Variants in CHST9 observed in about 807,000 individuals in gnomAD.
The protein encoded by CHST9 is carbohydrate sulfotransferase 9.
In CHST9, 41 loss-of-function variants were observed where a neutral mutation model predicts 44.4. The ratio of observed to expected loss-of-function variants is 0.92; its 90% CI spans 0.72 to 1.20. The LOEUF (loss-of-function observed/expected upper bound fraction) is 1.20. Among genes scored for constraint, CHST9 ranks in the 50% most tolerant of loss-of-function variants. CHST9 has a pLI of 0.00. For synonymous variants in CHST9, 171 were observed against 178.4 expected, an observed-to-expected ratio of 0.96 and a Z score of 0.33; for missense variants, 504 against 516.5, an observed-to-expected ratio of 0.98 and a Z score of 0.23.
At chr18:27,007,029 AC>A (rs1410713705) in intron 4 of CHST9, among the ~76,000 whole-genome samples, 1 of 152,162 alleles carries the variant, frequency 6.6e-6, no homozygotes, top group East Asian at 1.9e-4. Context: ...CGTGGAGCTT[AC>A]TTCAAGCTCC....
chr18:27,018,223 T>C (rs934156471), intron 4 of CHST9, among the ~76,000 whole-genome samples: 1 of 152,216 alleles, frequency 6.6e-6, no homozygotes, highest in African/African-American at 2.4e-5. Flanking sequence ...CAGATCATTT[T>C]AATGCAAGAG....
chr18:27,184,669 T>C (rs1200454425), intron 1 of CHST9, among the ~76,000 whole-genome samples: 3 of 152,088 alleles, frequency 2.0e-5, no homozygotes, highest in Non-Finnish European at 4.4e-5. Flanking sequence ...GAGATGCTCG[T>C]CTTTCTGCCA....
chr18:26,970,830 A>C (rs1241907050), intron 4 of CHST9, among the ~76,000 whole-genome samples: 1 of 152,192 alleles, frequency 6.6e-6, no homozygotes, highest in Non-Finnish European at 1.5e-5. Flanking sequence ...ATAGACATCC[A>C]TCACTGCAAT....
intron 4 of CHST9, among the ~76,000 whole-genome samples, chr18:26,976,430 T>C (rs1598609853): frequency 6.6e-6 from 1 of 152,220 alleles, no homozygotes; most frequent in East Asian, 1.9e-4. Context: ...TAACTGGTAA[T>C]TGACAGAAGC....
intron 2 of CHST9, among the ~76,000 whole-genome samples, chr18:27,077,674 C>T (rs1052865581): frequency 3.9e-5 from 6 of 152,184 alleles, no homozygotes; most frequent in African/African-American, 1.4e-4. Flanking sequence ...ATCTTTTTAT[C>T]TACACCTCTG....
intron 4 of CHST9, among the ~76,000 whole-genome samples, chr18:26,946,040 A>G (rs1386746930): frequency 1.3e-5 from 2 of 152,192 alleles, no homozygotes; most frequent in African/African-American, 2.4e-5. Flanking sequence ...TTGTTAGGAA[A>G]TGCCTGATGC....
At chr18:27,075,960 A>G (rs2057899062) in intron 2 of CHST9, among the ~76,000 whole-genome samples, 2 of 152,222 alleles carry the variant, frequency 1.3e-5, no homozygotes, top group African/African-American at 4.8e-5. Context: ...GTTGTGATAA[A>G]GATGTGAAGT....
intron 2 of CHST9, among the ~76,000 whole-genome samples, chr18:27,073,142 A>G (rs1031297106): frequency 1.3e-4 from 20 of 152,148 alleles, no homozygotes; most frequent in African/African-American, 4.8e-4. Flanking sequence ...AAGAAGCTGG[A>G]ATTCACACTG....
chr18:26,957,439 G>A (rs953641284), intron 4 of CHST9, among the ~76,000 whole-genome samples: 1 of 152,210 alleles, frequency 6.6e-6, no homozygotes, highest in Admixed American at 6.5e-5. Context: ...GTCCCAAAGA[G>A]AGCTATCAAT....
At chr18:26,959,894 G>T (rs182606951) in intron 4 of CHST9, among the ~76,000 whole-genome samples, 5 of 152,306 alleles carry the variant, frequency 3.3e-5, no homozygotes, top group Admixed American at 2.6e-4. Context: ...ATGGAAAAGT[G>T]TAGATGAATG....
At chr18:27,161,016 T>C (rs542207684) in intron 1 of CHST9, among the ~76,000 whole-genome samples, 8 of 152,326 alleles carry the variant, frequency 5.3e-5, no homozygotes, top group African/African-American at 1.7e-4. Context: ...TCTTTATTAG[T>C]CTTGCTAGCC....
chr18:26,936,402 C>T (rs542306269), intron 5 of CHST9: 29 of 151,856 alleles, frequency 1.9e-4, no homozygotes, highest in African/African-American at 6.5e-4. Context: ...TTTTAGAATG[C>T]ATATTCAAAC....
rs1381978963 is a variant in CHST9, at chr18:27,102,136, G to A, written c.121+40553C>T. Among the ~76,000 whole-genome samples the A allele has an allele frequency of 2.0e-5, 3 of 152,228 alleles. No homozygotes were observed. The South Asian group carries it at 6.2e-4, about 32-fold the overall frequency. ...TGAGGTCAGTGTTTTCCAAAGTTTGGTACCCAAAATGATGTTAACTATACT... is the reference window on the plus strand; with the variant it reads ...TGAGGTCAGTGTTTTCCAAAGTTTGATACCCAAAATGATGTTAACTATACT... On this transcript the variant is annotated intron_variant, in intron 2 of 5. Transcript: ENST00000618847.
intron 5 of CHST9, chr18:26,925,753 G>A (rs2055754834): frequency 2.0e-5 from 3 of 152,306 alleles, no homozygotes; most frequent in African/African-American, 4.8e-5. Flanking sequence ...TATAGGAAAT[G>A]CCTGTAGAGA....
In CHST9 at chr18:27,110,678, G is replaced by A. The variant is rs1012868313; in HGVS notation, c.121+32011C>T. On this transcript the variant is annotated intron_variant, in intron 2 of 5. Transcript: ENST00000618847. ...CACTGTTCATTCTCAAATGAGGTAT[G>A]ACATGTCTCCCAGCAGACATCCCCT... 2.6e-5 allele frequency among the ~76,000 whole-genome samples: 4 copies of A among 152,296 alleles called. No homozygotes were observed. In the East Asian group the frequency reaches 7.7e-4, roughly 29 times the overall value.
intron 2 of CHST9, among the ~76,000 whole-genome samples, chr18:27,052,053 T>A (rs961541017): frequency 4.6e-5 from 7 of 152,098 alleles, no homozygotes; most frequent in African/African-American, 1.7e-4. Flanking sequence ...GGTGCAACTT[T>A]TTTTTATGAA....
chr18:27,177,550 T>C (rs936619920), intron 1 of CHST9, among the ~76,000 whole-genome samples: 1 of 152,012 alleles, frequency 6.6e-6, no homozygotes, highest in Non-Finnish European at 1.5e-5. Flanking sequence ...CGTTTCTTCA[T>C]TTGAATTGAC....
chr18:26,972,383 G>T (rs1038279199), intron 4 of CHST9, among the ~76,000 whole-genome samples: 2 of 129,366 alleles, frequency 1.5e-5, no homozygotes, highest in African/African-American at 2.9e-5. Context: ...AAAAAAAAAG[G>T]AAGAAAAAAT....
At chr18:27,158,233 T>G (rs1222144646) in intron 1 of CHST9, among the ~76,000 whole-genome samples, 1 of 152,178 alleles carries the variant, frequency 6.6e-6, no homozygotes. Context: ...TAGTTATATC[T>G]CCCAATGCTA....
Sources: allele counts gnomAD v4.1 joint callset (sites outside exome capture counted in the v4.1 genomes callset), GRCh38; gene constraint gnomAD v4.1.1; transcripts MANE v1.5; gene names NCBI Gene and HGNC (gene_info 2026-07-23, HGNC 2026-07-21).